Variants in PSD3 observed in about 807,000 individuals in gnomAD.
PSD3 encodes PH and SEC7 domain-containing protein 3.
Under a neutral mutation model 105.5 loss-of-function variants are expected in PSD3, and 49 were observed. That is an observed-to-expected ratio of 0.46 (90% CI 0.37 to 0.59). The LOEUF (loss-of-function observed/expected upper bound fraction) is 0.59, where lower values mean the gene tolerates loss of function less well. Among genes scored for constraint, PSD3 ranks in the 20% least tolerant of loss-of-function variants. PSD3 has a pLI of 0.00. For missense variants in PSD3, 1,561 were observed against 1,263.8 expected (o/e 1.24, Z -3.57); for synonymous variants, 557 against 457.8 (o/e 1.22, Z -2.77).
chr8:18,791,921 G>C (rs1373271492), intron 8 of PSD3, among the ~76,000 whole-genome samples: 2 of 152,118 alleles, frequency 1.3e-5, no homozygotes, highest in African/African-American at 2.4e-5. Flanking sequence ...AGGACACAAA[G>C]AGACACTTCT....
intron 1 of PSD3, among the ~76,000 whole-genome samples, chr8:18,966,566 C>A (rs866434620): frequency 3.9e-4 from 27 of 70,016 alleles, no homozygotes; most frequent in African/African-American, 1.1e-3. Flanking sequence ...GAGAGACTGT[C>A]TTAAAAAAAA....
chr8:18,798,374 T>C (rs1810374956), intron 8 of PSD3, among the ~76,000 whole-genome samples: 1 of 152,142 alleles, frequency 6.6e-6, no homozygotes, highest in African/African-American at 2.4e-5. Flanking sequence ...ATCTCCTGTT[T>C]GCTTTCTGGT....
At chr8:18,687,881 C>T (rs115491511) in intron 9 of PSD3, among the ~76,000 whole-genome samples, 3 of 152,092 alleles carry the variant, frequency 2.0e-5, no homozygotes, top group Non-Finnish European at 4.4e-5. Flanking sequence ...ATTCTCCCTG[C>T]GTCAGCCTCT....
At chr8:18,757,524 C>T (rs995997519) in intron 9 of PSD3, among the ~76,000 whole-genome samples, 5 of 152,138 alleles carry the variant, frequency 3.3e-5, no homozygotes, top group Middle Eastern at 3.2e-3. Flanking sequence ...CTCTTTGTTT[C>T]TTTTCTACTT....
chr8:18,579,472 T>C (rs1379314316), intron 12 of PSD3, among the ~76,000 whole-genome samples: 1 of 152,182 alleles, frequency 6.6e-6, no homozygotes, highest in Non-Finnish European at 1.5e-5. Flanking sequence ...TAAAAACATG[T>C]TACTCTCTCG....
intron 10 of PSD3, among the ~76,000 whole-genome samples, chr8:18,646,240 G>C (rs1808025611): frequency 6.6e-6 from 1 of 152,026 alleles, no homozygotes; most frequent in Admixed American, 6.5e-5. Flanking sequence ...CCTCATAAAT[G>C]TCTTCATCCC....
intron 11 of PSD3, among the ~76,000 whole-genome samples, chr8:18,624,944 C>T (rs545080972): frequency 2.0e-5 from 3 of 151,884 alleles, no homozygotes; most frequent in Admixed American, 6.6e-5. Flanking sequence ...CTATGTTGCC[C>T]AGGCTGGTCT....
chr8:18,694,097 G>C (rs1801130091), intron 9 of PSD3, among the ~76,000 whole-genome samples: 1 of 152,148 alleles, frequency 6.6e-6, no homozygotes, highest in African/African-American at 2.4e-5. Flanking sequence ...CCAGTGTTTT[G>C]TTTCAGTGAC....
intron 10 of PSD3, among the ~76,000 whole-genome samples, chr8:18,644,912 G>A (rs1047380902): frequency 6.6e-6 from 1 of 152,110 alleles, no homozygotes; most frequent in African/African-American, 2.4e-5. Context: ...GTCAAGTAAG[G>A]GGCCTGCATC....
intron 2 of PSD3, among the ~76,000 whole-genome samples, chr8:18,883,379 AC>A (rs1818245439): frequency 6.6e-6 from 1 of 152,184 alleles, no homozygotes; most frequent in Non-Finnish European, 1.5e-5. Context: ...GTCTGGGTTT[AC>A]CCTCAAATTA....
chr8:18,896,395 T>C (rs1391774363), intron 2 of PSD3, among the ~76,000 whole-genome samples: 4 of 152,228 alleles, frequency 2.6e-5, no homozygotes, highest in Non-Finnish European at 5.9e-5. Context: ...ACTTCCATAC[T>C]GTTTTTCCTT....
intron 13 of PSD3, among the ~76,000 whole-genome samples, chr8:18,574,448 C>A (rs776550425): frequency 6.6e-6 from 1 of 152,062 alleles, no homozygotes; most frequent in Non-Finnish European, 1.5e-5. Flanking sequence ...GCTATGGGTC[C>A]CTGTGTGATG....
At chr8:18,577,571 T>G (rs1802538584) in intron 12 of PSD3, among the ~76,000 whole-genome samples, 1 of 151,740 alleles carries the variant, frequency 6.6e-6, no homozygotes, top group African/African-American at 2.4e-5. Flanking sequence ...AACTATCATC[T>G]TCCTTATAAC....
rs187570754 is a variant in PSD3, at chr8:18,645,044, T to G, written c.2216+10598A>C. Among the ~76,000 whole-genome samples the G allele has an allele frequency of 2.6e-5, 4 of 152,280 alleles. No individual in the cohort carries two copies. The East Asian group carries it at 5.8e-4, about 22-fold the overall frequency. On this transcript the variant is annotated intron_variant, in intron 10 of 15. Transcript: ENST00000327040. ...CAAGAGAGCGAGTTGGGGATCACAG[T>G]TGCTTTTAAAACAAAACTACTCTCA...
intron 9 of PSD3, among the ~76,000 whole-genome samples, chr8:18,714,962 G>A (rs966761293): frequency 6.6e-6 from 1 of 152,176 alleles, no homozygotes; most frequent in African/African-American, 2.4e-5. Flanking sequence ...AAAAAGGAAT[G>A]AGATCATTTC....
chr8:18,707,704 G>A (rs1801986952), intron 9 of PSD3, among the ~76,000 whole-genome samples: 1 of 152,096 alleles, frequency 6.6e-6, no homozygotes, highest in African/African-American at 2.4e-5. Context: ...GCCAATTTTA[G>A]CTCATTATAA....
chr8:19,054,301 A>G (rs1828635077), intron 1 of PSD3, among the ~76,000 whole-genome samples: 1 of 152,224 alleles, frequency 6.6e-6, no homozygotes, highest in South Asian at 2.1e-4. Flanking sequence ...CATTCTGTTA[A>G]GCCCTTGAGA....
intron 1 of PSD3, among the ~76,000 whole-genome samples, chr8:18,965,339 A>C (rs1355614085): frequency 6.6e-6 from 1 of 152,186 alleles, no homozygotes; most frequent in African/African-American, 2.4e-5. Context: ...GCCCAAGAGA[A>C]GTTCCTCCAG....
intron 9 of PSD3, among the ~76,000 whole-genome samples, chr8:18,761,699 T>C (rs886632525): frequency 3.9e-5 from 6 of 152,188 alleles, no homozygotes; most frequent in Non-Finnish European, 7.3e-5. Flanking sequence ...TAATACTTAT[T>C]AGAGCCTTAC....
Sources: gnomAD v4.1 joint callset for allele counts (sites outside exome capture counted in the v4.1 genomes callset) on GRCh38, gnomAD v4.1.1 for gene constraint, MANE v1.5 for transcripts, NCBI Gene and HGNC (gene_info 2026-07-23, HGNC 2026-07-21) for gene names.